TPM1: variants seen among roughly 807,000 people sequenced by gnomAD.
TPM1 encodes the protein tropomyosin alpha-1 chain.
A neutral mutation model predicts 42.9 loss-of-function variants in TPM1; 24 were observed. The observed-to-expected ratio is 0.56, with a 90% confidence interval of 0.41 to 0.79. The LOEUF (loss-of-function observed/expected upper bound fraction) is 0.79. Among genes scored for constraint, TPM1 ranks in the 30% least tolerant of loss-of-function variants. The pLI is 0.00. For synonymous variants in TPM1, 136 were observed against 130.1 expected (o/e 1.05, Z -0.31); for missense variants, 158 against 351.8 (o/e 0.45, Z 4.41).
chr15:63,044,427 G>A, intron 2 of TPM1: 1 of 603,434 alleles, frequency 1.7e-6, no homozygotes, highest in Non-Finnish European at 2.9e-6. Flanking sequence ...AGCTGAAATT[G>A]GACTCTGGAG....
intron 9 of TPM1, chr15:63,065,682 T>G: frequency 2.0e-6 from 2 of 976,062 alleles, no homozygotes; most frequent in Non-Finnish European, 2.4e-6. Flanking sequence ...TTCATGGGTC[T>G]TCTTAAAATG....
intron 3 of TPM1, among the ~76,000 whole-genome samples, chr15:63,058,695 C>T (rs145084228): frequency 2.6e-5 from 4 of 151,974 alleles, no homozygotes; most frequent in South Asian, 2.1e-4. Flanking sequence ...GGTGACAGAG[C>T]GAGACTCTGT....
intron 6 of TPM1, 170 bp from the exon 7 acceptor site, chr15:63,062,045 T>C (rs536649821): frequency 2.8e-6 from 2 of 720,292 alleles, no homozygotes; most frequent in East Asian, 2.7e-5. Flanking sequence ...TGTAAAACAA[T>C]AGGCAAGAAA....
chr15:63,054,179 A>G lies in TPM1; in HGVS notation c.241-2806A>G, dbSNP rs11854718. ...GCCCTACCATTCCTCCCACTATATC[A>G]CAAACTGGCACCTAGAAACTGGTCT... On this transcript the variant is annotated intron_variant, in intron 2 of 9. Transcript: ENST00000403994. Among the ~76,000 whole-genome samples the G allele has an allele frequency of 9.1e-3, 1,391 of 152,052 alleles. 27 individuals are homozygous for G. Among genetic ancestry groups the G allele is most frequent in the African/African-American group, 0.032 (1,320 of 41,452 alleles).
intron 2 of TPM1, chr15:63,047,620 G>A (rs2032680509): frequency 6.6e-6 from 1 of 152,390 alleles, no homozygotes; most frequent in African/African-American, 2.4e-5. Flanking sequence ...AGACCATTTG[G>A]ATGACTGTTT....
At chr15:63,062,846 A>G in intron 8 of TPM1, 1 of 1,526,580 alleles carries the variant, frequency 6.6e-7, no homozygotes, top group Non-Finnish European at 8.8e-7. Context: ...CTAGTTAGCC[A>G]CCAGCCATAG....
intron 1 of TPM1, chr15:63,043,688 G>T (rs756175447): frequency 6.5e-7 from 1 of 1,541,904 alleles, no homozygotes; most frequent in South Asian, 1.2e-5. Context: ...GCCCGCGCCC[G>T]CCCGCCGCTG....
chr15:63,062,839 G>A, intron 8 of TPM1, 194 bp downstream of exon 8: 2 of 1,529,736 alleles, frequency 1.3e-6, no homozygotes, highest in South Asian at 2.4e-5. Flanking sequence ...GAGGTGACTA[G>A]TTAGCCACCA....
intron 3 of TPM1, 146 bp from the exon 4 acceptor site, chr15:63,059,417 T>C: frequency 1.6e-6 from 1 of 615,868 alleles, no homozygotes; most frequent in South Asian, 1.5e-5. Flanking sequence ...TGGAAATTGT[T>C]GTTTCCTGGT....
At chr15:63,070,135 T>G, downstream of TPM1, 1 of 1,446,900 alleles carries the variant, frequency 6.9e-7, no homozygotes, top group Non-Finnish European at 9.1e-7. Flanking sequence ...TACGTTCTCT[T>G]TAATCACAAA....
At chr15:63,070,807 G>A (rs190272500), downstream of TPM1, 73 of 1,240,836 alleles carry the variant, frequency 5.9e-5, no homozygotes, top group East Asian at 3.1e-3. Context: ...CACACCGTCA[G>A]TGAACCTTCA....
intron 2 of TPM1, chr15:63,055,647 C>T (rs901886283): frequency 1.3e-5 from 2 of 152,182 alleles, no homozygotes; most frequent in Non-Finnish European, 2.9e-5. Flanking sequence ...AATTTGTTAT[C>T]CTATTACCAT....
At chr15:63,046,796 G>A (rs2032474108) in intron 2 of TPM1, 1 of 152,526 alleles carries the variant, frequency 6.6e-6, no homozygotes, top group Non-Finnish European at 1.5e-5. Context: ...CACTTAGGGA[G>A]CTTTTAAAAC....
At position 63,048,448 on chromosome 15, in the gene TPM1, A is replaced by G. The variant is rs4374117; in HGVS notation, c.240+4296A>G. 1 allele frequency: 1,354,043 copies of G among 1,355,320 alleles called. 676,396 individuals carry two copies. Among genetic ancestry groups the G allele is most frequent in the Non-Finnish European group, 1 (1,062,084 of 1,062,100 alleles). 84.0% of individuals were successfully genotyped at this position (1,355,320 alleles called of 1,614,324 possible). On this transcript the variant is annotated intron_variant, in intron 2 of 9. Transcript: ENST00000403994. ...GCTCCTGGCCGCAGGGGGCGCCGCC[A>G]TCGCACAGAGAGGCCTGGGCGGGGC...
chr15:63,064,872 C>G, intron 9 of TPM1: 1 of 580,398 alleles, frequency 1.7e-6, no homozygotes, highest in Middle Eastern at 8.4e-4. Context: ...GAGGCTGAGG[C>G]AGGAGAATGG....
In TPM1 at chr15:63,048,187, C is replaced by T. The variant is rs1437851443; in HGVS notation, c.240+4035C>T. 9 of 457,090 alleles carry T rather than the reference C, an allele frequency of 2.0e-5. No individual in the cohort carries two copies. In the Admixed American group the frequency reaches 2.1e-4, roughly 11 times the overall value. The allele number at this position is 457,090 out of a possible 1,614,324, so 28.3% of individuals were successfully genotyped here. On this transcript the variant is annotated intron_variant, in intron 2 of 9. Coordinates refer to ENST00000403994, the MANE Select transcript of TPM1 (RefSeq NM_001018005.2). ...AGCCAGCTCCGTTACCCCGGGTCAC[C>T]ACCGCGCCGCGGAGGGGCCCTAGAA...
rs370070818 is a variant in TPM1 at position 63,063,256 on chromosome 15, A to G, written c.772+611A>G. 1.5e-5 allele frequency: 15 copies of G among 985,454 alleles called. No homozygotes were observed. In the African/African-American group the frequency reaches 2.1e-4, roughly 14 times the overall value. The allele number at this position is 985,454 out of a possible 1,614,324, so 61.0% of individuals were successfully genotyped here. A position where few individuals can be genotyped will look rare whatever the true frequency, so the allele number is the denominator to read the frequency against. On this transcript the variant is annotated intron_variant, in intron 8 of 9. Coordinates refer to ENST00000403994, the MANE Select transcript of TPM1 (RefSeq NM_001018005.2). ...GTGAAGGATTAGCTGTGAACAAGAA[A>G]GAAAAAAGACAAATATCTACATCAC...
At position 63,062,411 on chromosome 15, in the gene TPM1, G is replaced by A. The variant is rs146842589; in HGVS notation, c.702+134G>A. ...ATTCAAAGGTCGCCTTGGAGTTTAT[G>A]TACTGTGCTAACTGCCATTTCTCAC... On this transcript the variant is annotated intron_variant, in intron 7 of 9. Coordinates refer to ENST00000403994, the MANE Select transcript of TPM1 (RefSeq NM_001018005.2). The A allele has an allele frequency of 2.2e-3, 2,824 of 1,258,378 alleles. 38 individuals carry two copies. The African/African-American group carries it at 0.036, about 16-fold the overall frequency. 78.0% of individuals were successfully genotyped at this position (1,258,378 alleles called of 1,614,324 possible). A position where few individuals can be genotyped will look rare whatever the true frequency, so the allele number is the denominator to read the frequency against.
intron 2 of TPM1, chr15:63,044,561 G>A (rs1261376770): frequency 9.3e-6 from 4 of 429,294 alleles, no homozygotes; most frequent in African/African-American, 7.9e-5. Context: ...GAAGTTCTGG[G>A]TTTGGTGGTG....
Sources: gnomAD v4.1 joint callset for allele counts (sites outside exome capture counted in the v4.1 genomes callset) on GRCh38, gnomAD v4.1.1 for gene constraint, MANE v1.5 for transcripts, NCBI Gene and HGNC (gene_info 2026-07-23, HGNC 2026-07-21) for gene names.